Variants in SMCO4 observed in about 807,000 individuals in gnomAD.
SMCO4 encodes the protein single-pass membrane protein with coiled-coil domains 4, also known as single-pass membrane and coiled-coil domain-containing protein 4.
Under a neutral mutation model 3.6 loss-of-function variants are expected in SMCO4, and 4 were observed. The ratio of observed to expected loss-of-function variants is 1.11; its 90% CI spans 0.54 to 2.53. The LOEUF (loss-of-function observed/expected upper bound fraction) is 2.53. Ranked by LOEUF, SMCO4 falls within the 30% of genes most tolerant of loss-of-function variation. SMCO4 has a pLI of 0.02. For synonymous variants in SMCO4, 36 were observed against 35.3 expected, an observed-to-expected ratio of 1.02 and a Z score of -0.07; for missense variants, 70 against 80.8, an observed-to-expected ratio of 0.87 and a Z score of 0.51.
chr11:93,480,661 C>G (rs921647615), intron 2 of SMCO4, among the ~76,000 whole-genome samples: 2 of 152,110 alleles, frequency 1.3e-5, no homozygotes, highest in African/African-American at 4.8e-5. Flanking sequence ...AGCAGAGGGA[C>G]CTATGCTGTA....
intron 2 of SMCO4, among the ~76,000 whole-genome samples, chr11:93,479,916 T>G (rs763855548): frequency 6.6e-6 from 1 of 152,072 alleles, no homozygotes; most frequent in Non-Finnish European, 1.5e-5. Flanking sequence ...GGGGGCATGA[T>G]GGAGACCCGG....
Position 93,478,713 on chromosome 11 carries a change from GCA to G in SMCO4, c.*295_*296del, listed in dbSNP as rs58177836. 0.011 allele frequency: 2,432 copies of G among 225,940 alleles called. 19 individuals carry two copies. The highest frequency in any genetic ancestry group is 0.018 in the African/African-American group (771 of 41,766). The allele number at this position is 225,940 out of a possible 1,614,324, so 14.0% of individuals were successfully genotyped here. A position where few individuals can be genotyped will look rare whatever the true frequency, so the allele number is the denominator to read the frequency against. On this transcript the variant is annotated 3_prime_UTR_variant, in exon 3 of 3. Coordinates refer to ENST00000298966, the MANE Select transcript of SMCO4 (RefSeq NM_020179.3). ...ATCGATTTTTAGGAGAGAAAAAGAA[GCA>G]CACACACACACACACACACACACAC...
At chr11:93,517,650 T>C (rs1048696202) in intron 1 of SMCO4, among the ~76,000 whole-genome samples, 5 of 152,206 alleles carry the variant, frequency 3.3e-5, no homozygotes, top group African/African-American at 7.2e-5. Context: ...GCACTTACAG[T>C]GTACCAAGCA....
intron 2 of SMCO4, among the ~76,000 whole-genome samples, chr11:93,488,952 G>C (rs915575568): frequency 6.6e-6 from 1 of 152,178 alleles, no homozygotes. Context: ...TCCTGAGGAA[G>C]GGGGAGCTGG....
chr11:93,534,299 TATATACATATATACACATATATACAC>T (rs1456166504), intron 1 of SMCO4, among the ~76,000 whole-genome samples: 4 of 147,966 alleles, frequency 2.7e-5, no homozygotes, highest in Non-Finnish European at 6.0e-5. Context: ...CACACACATA[TATATACATATATACACATATATACAC>T]ATATACATAT....
At position 93,497,541 on chromosome 11, in the gene SMCO4, C is replaced by T. The variant is rs60477826; in HGVS notation, c.-81+1735G>A. ...GGGTGGAGGGAGCACCAGGGTCAGA[C>T]TCTCAACAGAAGGTCAAGACTCCCC... On this transcript the variant is annotated intron_variant, in intron 2 of 2. Transcript: ENST00000298966. 5.7e-4 allele frequency among the ~76,000 whole-genome samples: 86 copies of T among 152,212 alleles called. No individual in the cohort carries two copies. In the East Asian group the frequency reaches 0.014, roughly 25 times the overall value.
In SMCO4 at chr11:93,478,760, C is replaced by T. The variant is rs563918785; in HGVS notation, c.*250G>A. ...ACACACACACACACACACATGCGCG[C>T]GCGCTTTGAAGTCTGAAAGGCACAT... On this transcript the variant is annotated 3_prime_UTR_variant, in exon 3 of 3. Transcript: ENST00000298966. 94 of 998,856 alleles carry T rather than the reference C, an allele frequency of 9.4e-5. No individual in the cohort carries two copies. Among genetic ancestry groups the T allele is most frequent in the South Asian group, 6.0e-4 (23 of 38,420 alleles). The allele number at this position is 998,856 out of a possible 1,614,324, so 61.9% of individuals were successfully genotyped here. A position where few individuals can be genotyped will look rare whatever the true frequency, so the allele number is the denominator to read the frequency against.
intron 1 of SMCO4, among the ~76,000 whole-genome samples, chr11:93,519,448 G>A (rs960075076): frequency 3.3e-5 from 5 of 152,206 alleles, no homozygotes; most frequent in African/African-American, 9.6e-5. Context: ...TAGGCAGGAA[G>A]TGGGCTGAAA....
intron 1 of SMCO4, among the ~76,000 whole-genome samples, chr11:93,539,197 T>C (rs1011011541): frequency 6.6e-6 from 1 of 151,826 alleles, no homozygotes; most frequent in Non-Finnish European, 1.5e-5. Flanking sequence ...CCAACCTAGC[T>C]CCAGGGTCCT....
At chr11:93,503,564 A>G (rs1199529697) in intron 1 of SMCO4, among the ~76,000 whole-genome samples, 2 of 152,244 alleles carry the variant, frequency 1.3e-5, no homozygotes, top group East Asian at 3.8e-4. Flanking sequence ...ATTGTGAGAT[A>G]AAGCTGTATT....
At chr11:93,542,122 A>AC (rs913902658) in intron 1 of SMCO4, among the ~76,000 whole-genome samples, 41 of 151,544 alleles carry the variant, frequency 2.7e-4, no homozygotes, top group Non-Finnish European at 5.5e-4. Flanking sequence ...GGGAAAAAAA[A>AC]AAAGCCAACA....
chr11:93,534,695 T>C (rs1439447398), intron 1 of SMCO4, among the ~76,000 whole-genome samples: 2 of 152,154 alleles, frequency 1.3e-5, no homozygotes, highest in Non-Finnish European at 2.9e-5. Context: ...TCCTGCTCTC[T>C]GCCCCTTTGA....
At chr11:93,525,600 T>C (rs1302812311) in intron 1 of SMCO4, among the ~76,000 whole-genome samples, 1 of 152,078 alleles carries the variant, frequency 6.6e-6, no homozygotes, top group Non-Finnish European at 1.5e-5. Context: ...AACTGCAGTG[T>C]CTCCAGACTC....
At chr11:93,549,218 C>A in the SMCO4 span, among the ~76,000 whole-genome samples, 5 of 152,114 alleles carry the variant, frequency 3.3e-5, no homozygotes, top group Non-Finnish European at 7.3e-5. Context: ...AGCTACTTAA[C>A]CCTAAGAGGA....
At chr11:93,492,510 C>T (rs745767733) in intron 2 of SMCO4, among the ~76,000 whole-genome samples, 1 of 152,174 alleles carries the variant, frequency 6.6e-6, no homozygotes, top group Non-Finnish European at 1.5e-5. Flanking sequence ...GAACAAAGTG[C>T]TATGAAGAAA....
chr11:93,504,949 G>A (rs1274827130), intron 1 of SMCO4, among the ~76,000 whole-genome samples: 1 of 152,186 alleles, frequency 6.6e-6, no homozygotes, highest in African/African-American at 2.4e-5. Flanking sequence ...AAACCACAGT[G>A]TAGGGTTTGT....
chr11:93,532,847 C>G (rs1218736536), intron 1 of SMCO4, among the ~76,000 whole-genome samples: 1 of 138,540 alleles, frequency 7.2e-6, no homozygotes, highest in African/African-American at 2.8e-5. Context: ...TACAGCAGCC[C>G]TGGGAACCTA....
At chr11:93,481,582 A>C in intron 2 of SMCO4, 2 of 935,680 alleles carry the variant, frequency 2.1e-6, no homozygotes, top group Non-Finnish European at 2.5e-6. Context: ...TATTATCCCC[A>C]TCACGGAAGG....
At chr11:93,479,486 C>T (rs1326809487) in intron 2 of SMCO4, among the ~76,000 whole-genome samples, 1 of 152,188 alleles carries the variant, frequency 6.6e-6, no homozygotes, top group Non-Finnish European at 1.5e-5. Flanking sequence ...TCCGCTCCAG[C>T]GCCAGCTGGA....
Sources: allele counts gnomAD v4.1 joint callset (sites outside exome capture counted in the v4.1 genomes callset), GRCh38; gene constraint gnomAD v4.1.1; transcripts MANE v1.5; gene names NCBI Gene and HGNC (gene_info 2026-07-23, HGNC 2026-07-21).